NR6A1: variants seen among roughly 807,000 people sequenced by gnomAD.
NR6A1 encodes retinoic acid receptor-related testis-associated receptor.
In NR6A1, 7 loss-of-function variants were observed where a neutral mutation model predicts 59.1. The ratio of observed to expected loss-of-function variants is 0.12; its 90% confidence interval spans 0.07 to 0.22. The LOEUF (loss-of-function observed/expected upper bound fraction) is 0.22. NR6A1 is among the 10% of genes least tolerant of loss of function. The pLI, the probability that NR6A1 is intolerant of heterozygous loss-of-function variation, is 1.00. For missense variants in NR6A1, 468 were observed against 611.6 expected (o/e 0.77, Z 2.48); for synonymous variants, 243 against 236.1 (o/e 1.03, Z -0.27).
At position 124,548,148 on chromosome 9, in the gene NR6A1, G is replaced by T. The variant is rs568106483; in HGVS notation, c.386-4291C>A. On this transcript the variant is annotated intron_variant, in intron 3 of 9. Coordinates refer to ENST00000487099, the MANE Select transcript of NR6A1 (RefSeq NM_033334.4). ...AGACAGAAAGAAGAGCAAGGGGGAG[G>T]GGGGAGGGAAAATAATAAAACAAAT... 1.6e-5 allele frequency among the ~76,000 whole-genome samples: 2 copies of T among 125,708 alleles called. 1 individual carries two copies. Among genetic ancestry groups the T allele is most frequent in the African/African-American group, 5.9e-5 (2 of 33,630 alleles). 82.5% of individuals were successfully genotyped at this position (125,708 alleles called of 152,430 possible).
At chr9:124,597,120 C>G (rs1015824446) in intron 2 of NR6A1, among the ~76,000 whole-genome samples, 1 of 152,074 alleles carries the variant, frequency 6.6e-6, no homozygotes, top group Non-Finnish European at 1.5e-5. Flanking sequence ...GCTTTTCTAA[C>G]CAACAGAGAG....
At chr9:124,769,910 T>C (rs916922286) in intron 1 of NR6A1, among the ~76,000 whole-genome samples, 3 of 152,092 alleles carry the variant, frequency 2.0e-5, no homozygotes, top group African/African-American at 7.2e-5. Context: ...CCTAACACGT[T>C]ACCAATAAAA....
intron 1 of NR6A1, among the ~76,000 whole-genome samples, chr9:124,757,041 G>A (rs1261502795): frequency 6.6e-6 from 1 of 151,904 alleles, no homozygotes; most frequent in Non-Finnish European, 1.5e-5. Context: ...ACCCCAAAAT[G>A]ATAAAAAGCA....
At chr9:124,599,563 G>C in intron 2 of NR6A1, 1 of 873,878 alleles carries the variant, frequency 1.1e-6, no homozygotes, top group Non-Finnish European at 1.6e-6. Context: ...CTTCCTGAGT[G>C]TCCGTGGCAG....
intron 1 of NR6A1, among the ~76,000 whole-genome samples, chr9:124,768,293 T>C (rs58183591): frequency 0.016 from 2,513 of 152,306 alleles, 78 homozygotes; most frequent in East Asian, 0.15. Context: ...AAAAAACAGA[T>C]AATTCATTTC....
intron 9 of NR6A1, among the ~76,000 whole-genome samples, chr9:124,523,534 T>A (rs892679758): frequency 1.3e-5 from 2 of 150,642 alleles, no homozygotes; most frequent in East Asian, 2.0e-4. Flanking sequence ...TTTTTTTTTT[T>A]AAGTTTTCCA....
chr9:124,627,974 C>T (rs115400476), intron 2 of NR6A1, among the ~76,000 whole-genome samples: 2,439 of 132,426 alleles, frequency 0.018, 71 homozygotes, highest in East Asian at 0.18. Context: ...GAAGAAAATA[C>T]GGTGTGTGTA....
At chr9:124,669,946 ATACT>A (rs768298087) in intron 2 of NR6A1, among the ~76,000 whole-genome samples, 12 of 152,182 alleles carry the variant, frequency 7.9e-5, no homozygotes, top group Non-Finnish European at 1.5e-4. Context: ...CCCTCGATAA[ATACT>A]TACTGAATTA....
rs1004440289 is a variant in NR6A1 at position 124,729,526 on chromosome 9, G to A, written c.142+3782C>T. 8.5e-5 allele frequency among the ~76,000 whole-genome samples: 13 copies of A among 152,200 alleles called. 1 individual carries two copies. The highest frequency in any genetic ancestry group is 1.5e-5 in the Non-Finnish European group (1 of 68,018). On this transcript the variant is annotated intron_variant, in intron 2 of 9. Transcript: ENST00000487099. ...CTGAGCCCATGAGGTCAAGACTGCA[G>A]TGAGCCATGACTATGCCACTGCACT...
intron 2 of NR6A1, among the ~76,000 whole-genome samples, chr9:124,698,841 C>A (rs769143918): frequency 1.3e-5 from 2 of 152,088 alleles, no homozygotes; most frequent in Non-Finnish European, 2.9e-5. Flanking sequence ...TGCCACAGAA[C>A]CCATGAACTT....
intron 2 of NR6A1, among the ~76,000 whole-genome samples, chr9:124,625,650 A>G (rs977270924): frequency 2.0e-5 from 3 of 152,112 alleles, no homozygotes; most frequent in Non-Finnish European, 4.4e-5. Context: ...AGTTATTTTT[A>G]TGCCAACTTG....
At chr9:124,704,522 C>T (rs1262863172) in intron 2 of NR6A1, among the ~76,000 whole-genome samples, 1 of 151,968 alleles carries the variant, frequency 6.6e-6, no homozygotes, top group East Asian at 1.9e-4. Flanking sequence ...GCAATCCTCC[C>T]ACCTCAGCCT....
intron 2 of NR6A1, among the ~76,000 whole-genome samples, chr9:124,559,860 T>TA (rs1287395074): frequency 1.3e-5 from 2 of 152,234 alleles, no homozygotes; most frequent in South Asian, 4.1e-4. Flanking sequence ...AATTATATAG[T>TA]ATCAAAATCT....
chr9:124,758,305 C>T (rs1840693637), intron 1 of NR6A1, among the ~76,000 whole-genome samples: 1 of 152,194 alleles, frequency 6.6e-6, no homozygotes, highest in Non-Finnish European at 1.5e-5. Context: ...CTGCTGGGTT[C>T]CCTTTTTACA....
At chr9:124,657,760 T>G (rs537678998) in intron 2 of NR6A1, among the ~76,000 whole-genome samples, 1 of 151,236 alleles carries the variant, frequency 6.6e-6, no homozygotes, top group East Asian at 1.9e-4. Context: ...CAGCAACCCC[T>G]AATGTGACTA....
rs1325346695 is a variant in NR6A1 at position 124,566,529 on chromosome 9, C to A, written c.143-11959G>T. 3.3e-5 allele frequency among the ~76,000 whole-genome samples: 5 copies of A among 152,110 alleles called. No individual in the cohort carries two copies. The East Asian group carries it at 9.6e-4, about 29-fold the overall frequency. Reference sequence around the variant, plus strand: ...ATAGAATATTGATGTTGCATAGAGACATCTTACGGAGGAATGGTGGGAGAT... The same window carrying A: ...ATAGAATATTGATGTTGCATAGAGAAATCTTACGGAGGAATGGTGGGAGAT... On this transcript the variant is annotated intron_variant, in intron 2 of 9. Coordinates refer to ENST00000487099, the MANE Select transcript of NR6A1 (RefSeq NM_033334.4).
intron 2 of NR6A1, among the ~76,000 whole-genome samples, chr9:124,650,225 A>G (rs186897366): frequency 9.2e-5 from 14 of 152,364 alleles, no homozygotes; most frequent in African/African-American, 3.4e-4. Context: ...GCGGATAAAT[A>G]AAATGTGCAT....
chr9:124,681,645 T>C (rs1437250374), intron 2 of NR6A1, among the ~76,000 whole-genome samples: 4 of 152,106 alleles, frequency 2.6e-5, no homozygotes, highest in Non-Finnish European at 4.4e-5. Context: ...CAGCCCAACA[T>C]TTGAGCTTTT....
At chr9:124,557,319 G>A (rs1330107625) in intron 2 of NR6A1, among the ~76,000 whole-genome samples, 1 of 152,058 alleles carries the variant, frequency 6.6e-6, no homozygotes, top group Non-Finnish European at 1.5e-5. Context: ...ATTTTCAGTA[G>A]AGATGGGGTT....
Sources: gnomAD v4.1 joint callset for allele counts (sites outside exome capture counted in the v4.1 genomes callset) on GRCh38, gnomAD v4.1.1 for gene constraint, MANE v1.5 for transcripts, NCBI Gene and HGNC (gene_info 2026-07-23, HGNC 2026-07-21) for gene names.